Variants in GHRL observed in about 807,000 individuals in gnomAD.
GHRL encodes the protein appetite-regulating hormone.
GHRL carries 24 observed loss-of-function variants against 16.9 expected under a neutral mutation model. The ratio of observed to expected loss-of-function variants is 1.42; its 90% CI spans 1.03 to 2.00. The LOEUF is 2.00. GHRL is among the 30% of genes most tolerant of loss of function. The probability of loss-of-function intolerance (pLI) is 0.00; values close to 1 mark genes in which losing one functional copy is unlikely to be tolerated. For missense variants in GHRL, 193 were observed against 142.1 expected (o/e 1.36, Z -1.82); for synonymous variants, 63 against 58.2 (o/e 1.08, Z -0.37).
intron 1 of GHRL, chr3:10,292,396 C>T (rs757488984): frequency 2.6e-4 from 47 of 177,468 alleles, no homozygotes; most frequent in Admixed American, 2.6e-4. Flanking sequence ...GGCAGTAGAG[C>T]AGTTGATTGC....
In GHRL at chr3:10,292,863, G is replaced by C; in HGVS notation, c.-787C>G. On this transcript the variant is annotated 5_prime_UTR_variant, in exon 1 of 6. Transcript: ENST00000335542. ...TTACCTGGACCCTGGAGGCCTCTCCGGGCACAGCTGCCAATGTTGATCTTA... is the reference window on the plus strand; with the variant it reads ...TTACCTGGACCCTGGAGGCCTCTCCCGGCACAGCTGCCAATGTTGATCTTA... 1 of 1,547,366 alleles carries C rather than the reference G, an allele frequency of 6.5e-7. No homozygotes were observed. The highest frequency in any genetic ancestry group is 8.7e-7 in the Non-Finnish European group (1 of 1,143,854).
At chr3:10,287,689 C>T (rs374689751) in intron 4 of GHRL, among the ~76,000 whole-genome samples, 1 of 152,118 alleles carries the variant, frequency 6.6e-6, no homozygotes, top group African/African-American at 2.4e-5. Flanking sequence ...ACTTTTAAAC[C>T]CACTTGGCCC....
In GHRL at chr3:10,287,913, AATTTTT is replaced by A. The variant is rs1435877714; in HGVS notation, c.226-1107_226-1102del. The A allele has an allele frequency of 3.3e-4, 29 of 87,960 alleles. 1 individual carries two copies. Among genetic ancestry groups the A allele is most frequent in the African/African-American group, 9.0e-4 (26 of 28,966 alleles). 5.4% of individuals were successfully genotyped at this position (87,960 alleles called of 1,614,324 possible). A position where few individuals can be genotyped will look rare whatever the true frequency, so the allele number is the denominator to read the frequency against. On this transcript the variant is annotated intron_variant, in intron 4 of 5. Coordinates refer to ENST00000335542, the MANE Select transcript of GHRL (RefSeq NM_016362.5). ...GACCCAGTGGGGAATGACATGATTG[AATTTTT>A]TTTTTTTTTTTTTTTTTTTTTTAAG... is the stretch of plus-strand genomic sequence containing the variant.
chr3:10,290,499 G>A (rs1699839343), intron 2 of GHRL: 2 of 345,798 alleles, frequency 5.8e-6, no homozygotes, highest in South Asian at 4.4e-5. Context: ...GTCTTTTCAT[G>A]AGGAGGGAGG....
chr3:10,291,454 G>A lies in GHRL; in HGVS notation c.-765-3C>T. On this transcript the variant is annotated splice_region_variant and splice_polypyrimidine_tract_variant and intron_variant, in intron 1 of 5. Transcript: ENST00000335542. ...TCTGAGAGGGAAGTGCATTGGACCT[G>A]GAGGTGGAAGATCTACGCTTAGCAC... 1.0e-6 allele frequency: 1 copy of A among 985,514 alleles called. No individual in the cohort carries two copies. Among genetic ancestry groups the A allele is most frequent in the South Asian group, 4.7e-5 (1 of 21,290 alleles). 61.0% of individuals were successfully genotyped at this position (985,514 alleles called of 1,614,324 possible).
At chr3:10,290,602 A>T (rs528306277) in intron 2 of GHRL, 114 bp downstream of exon 2, 6 of 360,142 alleles carry the variant, frequency 1.7e-5, no homozygotes, top group Non-Finnish European at 2.5e-5. Flanking sequence ...AGACAGTCCG[A>T]CATCCCCCGT....
intron 3 of GHRL, 77 bp from the exon 4 acceptor site, chr3:10,289,955 C>T: frequency 6.8e-7 from 1 of 1,469,644 alleles, no homozygotes; most frequent in Non-Finnish European, 9.5e-7. Flanking sequence ...GACCCAGAGT[C>T]CTTTGTGCTC....
rs35682 is a variant in GHRL at position 10,287,098 on chromosome 3, G to A, written c.226-286C>T. 140,602 of 241,126 alleles carry A rather than the reference G, an allele frequency of 0.58. 42,464 individuals carry two copies. The highest frequency in any genetic ancestry group is 0.98 in the East Asian group (9,782 of 9,986). The allele number at this position is 241,126 out of a possible 1,614,324, so 14.9% of individuals were successfully genotyped here. A position where few individuals can be genotyped will look rare whatever the true frequency, so the allele number is the denominator to read the frequency against. On this transcript the variant is annotated intron_variant, in intron 4 of 5. Transcript: ENST00000335542. ...GATAAAAGCTGTGGTGCCCCCTAGT[G>A]TGAGATTTTTTTTCTCCCTTGCAGT...
chr3:10,292,862 C>T lies in GHRL; in HGVS notation c.-786G>A, dbSNP rs139684563. On this transcript the variant is annotated 5_prime_UTR_variant, in exon 1 of 6. Transcript: ENST00000335542. ...CTTACCTGGACCCTGGAGGCCTCTC[C>T]GGGCACAGCTGCCAATGTTGATCTT... 6.5e-3 allele frequency: 10,049 copies of T among 1,547,000 alleles called. 52 individuals are homozygous for T. The highest frequency in any genetic ancestry group is 8.1e-3 in the Non-Finnish European group (9,229 of 1,143,466).
rs1284392329 is a variant in GHRL, at chr3:10,286,775, C to G, written c.263G>C (p.Gly88Ala). ...APFDVGIKLS[G>A]VQYQQHSQAL... ...CTGGCTGTGCTGCTGGTACTGAACC[C>G]CTGACAGCTTGATTCCAACATCAAA... The change falls in exon 5 of 6, where the codon GGG (glycine) becomes GCG (alanine). Residue 88 changes from glycine (G) to alanine (A), a missense_variant. Coordinates refer to ENST00000335542, the MANE Select transcript of GHRL (RefSeq NM_016362.5). 4 of 1,613,148 alleles carry G rather than the reference C, an allele frequency of 2.5e-6. No homozygotes were observed. Among genetic ancestry groups the G allele is most frequent in the Non-Finnish European group, 3.4e-6 (4 of 1,179,220 alleles).
chr3:10,286,873 A>G (rs879175623), intron 4 of GHRL, 61 bp from the exon 5 acceptor site: 5 of 990,928 alleles, frequency 5.0e-6, no homozygotes, highest in Non-Finnish European at 8.0e-6. Context: ...CCCCATCTCA[A>G]AGGGGGCTCT....
At chr3:10,291,523 A>G (rs1700019384) in intron 1 of GHRL, 72 bp from the exon 2 acceptor site, 1 of 929,534 alleles carries the variant, frequency 1.1e-6, no homozygotes, top group Non-Finnish European at 1.3e-6. Flanking sequence ...GCCGACCACA[A>G]ATAATTCCCC....
chr3:10,290,356 C>A, intron 2 of GHRL, 147 bp from the exon 3 acceptor site: 1 of 705,650 alleles, frequency 1.4e-6, no homozygotes, highest in South Asian at 1.9e-5. Context: ...TTCCACCTCC[C>A]AAGGTAGAAG....
At chr3:10,287,919 T>A (rs1228089296) in intron 4 of GHRL, 3 of 137,258 alleles carry the variant, frequency 2.2e-5, no homozygotes, top group Non-Finnish European at 4.5e-5. Flanking sequence ...ATTGAATTTT[T>A]TTTTTTTTTT....
chr3:10,289,494 C>T (rs949628396), intron 4 of GHRL, among the ~76,000 whole-genome samples: 2 of 152,226 alleles, frequency 1.3e-5, no homozygotes, highest in African/African-American at 4.8e-5. Context: ...TTTGAGTCGC[C>T]TGGAGGCTCT....
At chr3:10,290,456 C>A in intron 2 of GHRL, 1 of 425,802 alleles carries the variant, frequency 2.3e-6, no homozygotes. Context: ...CTCCCCGGTG[C>A]CTTTTGTCCC....
chr3:10,292,564 AC>A (rs34186135), intron 1 of GHRL: 16,077 of 446,386 alleles, frequency 0.036, 1,365 homozygotes, highest in African/African-American at 0.23. Context: ...CTCACCACCA[AC>A]CCACTGTGGT....
At chr3:10,289,563 C>T (rs1169974725) in intron 4 of GHRL, among the ~76,000 whole-genome samples, 199 bp downstream of exon 4, 1 of 151,858 alleles carries the variant, frequency 6.6e-6, no homozygotes, top group East Asian at 1.9e-4. Flanking sequence ...AGCAAAGTTA[C>T]TTCTTCTAGA....
At chr3:10,286,995 C>T (rs955981859) in intron 4 of GHRL, 183 bp from the exon 5 acceptor site, 4 of 543,196 alleles carry the variant, frequency 7.4e-6, no homozygotes, top group South Asian at 4.4e-5. Context: ...GACCACAGCT[C>T]ACCTTCCCAC....
Sources: allele counts gnomAD v4.1 joint callset (sites outside exome capture counted in the v4.1 genomes callset), GRCh38; gene constraint gnomAD v4.1.1; transcripts MANE v1.5; gene names NCBI Gene and HGNC (gene_info 2026-07-23, HGNC 2026-07-21).